Variants in PCDHGC3 observed in about 807,000 individuals in gnomAD.
PCDHGC3 encodes the protein protocadherin gamma subfamily C, 3.
A neutral mutation model predicts 59.2 loss-of-function variants in PCDHGC3; 26 were observed. The observed-to-expected ratio is 0.44, with a 90% confidence interval of 0.32 to 0.61. The LOEUF is 0.61. Ranked by LOEUF, PCDHGC3 falls within the 20% of genes least tolerant of loss-of-function variation. The pLI, the probability that PCDHGC3 is intolerant of heterozygous loss-of-function variation, is 0.05. For missense variants in PCDHGC3, 1,080 were observed against 1,221.8 expected, an observed-to-expected ratio of 0.88 and a Z score of 1.73; for synonymous variants, 487 against 519.7, an observed-to-expected ratio of 0.94 and a Z score of 0.86.
At chr5:141,509,136 C>T (rs1217992935) in intron 3 of PCDHGC3, among the ~76,000 whole-genome samples, 1 of 152,142 alleles carries the variant, frequency 6.6e-6, no homozygotes, top group Non-Finnish European at 1.5e-5. Context: ...AAAACCGAGG[C>T]GCATCCCGGC....
intron 1 of PCDHGC3, chr5:141,479,646 A>G (rs2099501987): frequency 6.6e-6 from 1 of 152,256 alleles, no homozygotes; most frequent in Admixed American, 6.5e-5. Context: ...CAACAACAAC[A>G]ACAACAATCC....
chr5:141,476,446 G>A lies in PCDHGC3; in HGVS notation c.330G>A (p.Leu110=). Residue 110 remains leucine, a synonymous_variant, in exon 1 of 4, where the codon TTG becomes TTA. Transcript: ENST00000308177. This position sits in a 1 kb window ranked among gnomAD's most constrained non-coding sequence, Gnocchi z 7.6. ...TLPSCTVTLE[L]VVENPLELFS... is the part of the protein sequence containing the mutation. Reference sequence around the variant, plus strand: ...CCTCTTGCACTGTAACTCTGGAGTTGGTAGTGGAGAACCCGCTGGAGCTGT... The same window carrying A: ...CCTCTTGCACTGTAACTCTGGAGTTAGTAGTGGAGAACCCGCTGGAGCTGT... 6.2e-7 allele frequency: 1 copy of A among 1,614,144 alleles called. No homozygotes were observed. Among genetic ancestry groups the A allele is most frequent in the South Asian group, 1.1e-5 (1 of 91,072 alleles).
chr5:141,485,274 C>T lies in PCDHGC3; in HGVS notation c.2430+6728C>T. On this transcript the variant is annotated intron_variant, in intron 1 of 3. Transcript: ENST00000308177. The surrounding 1 kb of genome is among the most constrained non-coding windows in gnomAD (Gnocchi z 5.7). Reference sequence around the variant, plus strand: ...TACGTTTGTGGGCAGATCCGCTACCCGGTCCCAGAGGAGTCACAGGAAGGG... The same window carrying T: ...TACGTTTGTGGGCAGATCCGCTACCTGGTCCCAGAGGAGTCACAGGAAGGG... The T allele has an allele frequency of 6.2e-7, 1 of 1,614,106 alleles. No individual in the cohort carries two copies. Among genetic ancestry groups the T allele is most frequent in the South Asian group, 1.1e-5 (1 of 91,086 alleles).
At chr5:141,496,869 A>G (rs2099772006) in intron 2 of PCDHGC3, among the ~76,000 whole-genome samples, 1 of 150,116 alleles carries the variant, frequency 6.7e-6, no homozygotes, top group African/African-American at 2.5e-5. Context: ...GAGACTGAAA[A>G]TTTGCAACAA....
chr5:141,506,162 C>T (rs1448735916), intron 3 of PCDHGC3, among the ~76,000 whole-genome samples: 1 of 152,124 alleles, frequency 6.6e-6, no homozygotes, highest in Non-Finnish European at 1.5e-5. Flanking sequence ...CTTAAGAGCA[C>T]AGCCTAAGCT....
At chr5:141,508,151 C>T (rs1306467936) in intron 3 of PCDHGC3, 1 of 152,548 alleles carries the variant, frequency 6.6e-6, no homozygotes, top group Admixed American at 6.5e-5. Flanking sequence ...GGCTGAGTTT[C>T]CCTGAGTAGA....
Position 141,477,412 on chromosome 5 carries a change from C to T in PCDHGC3, c.1296C>T (p.Ala432=). 6 of 1,614,168 alleles carry T rather than the reference C, an allele frequency of 3.7e-6. No individual in the cohort carries two copies. The highest frequency in any genetic ancestry group is 1.1e-5 in the South Asian group (1 of 91,082). The change falls in exon 1 of 4, where the codon GCC becomes GCT. Residue 432 remains alanine (A), a synonymous_variant. Coordinates refer to ENST00000308177, the MANE Select transcript of PCDHGC3 (RefSeq NM_002588.4). This position sits in a 1 kb window ranked among gnomAD's most constrained non-coding sequence, Gnocchi z 4.9. ...ACCTCAGCATCACCGCCCGAGACGC[C>T]GGAACCCCTTCCCTCTCAGCCCTTA... is the stretch of plus-strand genomic sequence containing the variant. ...EYNLSITARD[A]GTPSLSALTI... is the part of the protein sequence containing the mutation.
rs1488305057 is a variant in PCDHGC3, at chr5:141,477,736, C to A, written c.1620C>A (p.Ser540Arg). ...RREFELTAHI[S>R]DGGTPVLATN... ...AATTTGAATTAACAGCTCATATCAG[C>A]GATGGGGGCACCCCGGTCCTAGCCA... The change falls in exon 1 of 4, where the codon AGC (serine) becomes AGA (arginine). Residue 540 changes from serine (S) to arginine (R), a missense_variant. Physicochemically the swap from Ser to Arg is moderately radical, Grantham distance 110. Transcript: ENST00000308177. This position sits in a 1 kb window ranked among gnomAD's most constrained non-coding sequence, Gnocchi z 4.9. The A allele has an allele frequency of 6.2e-7, 1 of 1,613,790 alleles. No homozygotes were observed. Among genetic ancestry groups the A allele is most frequent in the Non-Finnish European group, 8.5e-7 (1 of 1,180,024 alleles).
chr5:141,501,290 TACACACACAC>T (rs55762287), intron 2 of PCDHGC3, among the ~76,000 whole-genome samples: 44 of 136,248 alleles, frequency 3.2e-4, no homozygotes, highest in Admixed American at 7.8e-4. Context: ...TATTCCCTTA[TACACACACAC>T]ACACACACAC....
intron 2 of PCDHGC3, among the ~76,000 whole-genome samples, chr5:141,497,171 C>T (rs991574648): frequency 6.6e-6 from 1 of 151,148 alleles, no homozygotes; most frequent in African/African-American, 2.5e-5. Context: ...CCACAAATCA[C>T]AGTAAGTTCT....
At chr5:141,505,804 G>A (rs554534524) in intron 3 of PCDHGC3, among the ~76,000 whole-genome samples, 13 of 152,240 alleles carry the variant, frequency 8.5e-5, no homozygotes, top group Admixed American at 3.3e-4. Context: ...GACTTGGATC[G>A]ACTTGCTCAA....
Position 141,486,785 on chromosome 5 carries a change from C to G in PCDHGC3, c.2431-8022C>G, listed in dbSNP as rs763174232. The G allele has an allele frequency of 2.8e-5, 45 of 1,614,102 alleles. No homozygotes were observed. The highest frequency in any genetic ancestry group is 3.6e-5 in the Non-Finnish European group (42 of 1,180,050). On this transcript the variant is annotated intron_variant, in intron 1 of 3. Coordinates refer to ENST00000308177, the MANE Select transcript of PCDHGC3 (RefSeq NM_002588.4). The surrounding 1 kb of genome is among the most constrained non-coding windows in gnomAD (Gnocchi z 5.0). ...GACACTGCAGTTTGAGGTGCAGGCC[C>G]GGGATCGGGGCAACCCACCCCTTAG... is the stretch of plus-strand genomic sequence containing the variant.
Position 141,486,970 on chromosome 5 carries a change from T to G in PCDHGC3, c.2431-7837T>G, listed in dbSNP as rs754309905. 1 of 1,614,050 alleles carries G rather than the reference T, an allele frequency of 6.2e-7. No individual in the cohort carries two copies. Among genetic ancestry groups the G allele is most frequent in the African/African-American group, 1.3e-5 (1 of 74,904 alleles). ...CAAAGGTGACTGCTGTGGACTTGGATTCAGGTTACAATGCTTGGGTTTCCT... is the reference window on the plus strand; with the variant it reads ...CAAAGGTGACTGCTGTGGACTTGGAGTCAGGTTACAATGCTTGGGTTTCCT... On this transcript the variant is annotated intron_variant, in intron 1 of 3. Coordinates refer to ENST00000308177, the MANE Select transcript of PCDHGC3 (RefSeq NM_002588.4). This position sits in a 1 kb window ranked among gnomAD's most constrained non-coding sequence, Gnocchi z 5.0.
chr5:141,506,815 A>G (rs2099856451), intron 3 of PCDHGC3, among the ~76,000 whole-genome samples: 1 of 152,214 alleles, frequency 6.6e-6, no homozygotes, highest in African/African-American at 2.4e-5. Flanking sequence ...GCATTGCCCT[A>G]TATCATGAAC....
chr5:141,480,951 G>A (rs924500955), intron 1 of PCDHGC3, among the ~76,000 whole-genome samples: 4 of 152,038 alleles, frequency 2.6e-5, no homozygotes, highest in Non-Finnish European at 2.9e-5. Flanking sequence ...AGGCTGAGGC[G>A]GAAGCATCAG....
chr5:141,479,838 C>T (rs539142918), intron 1 of PCDHGC3, among the ~76,000 whole-genome samples: 1 of 152,298 alleles, frequency 6.6e-6, no homozygotes, highest in African/African-American at 2.4e-5. Context: ...GGTATCCATG[C>T]AAGGTGACTG....
intron 2 of PCDHGC3, among the ~76,000 whole-genome samples, chr5:141,502,576 T>C (rs1226513508): frequency 6.6e-6 from 1 of 152,168 alleles, no homozygotes; most frequent in African/African-American, 2.4e-5. Flanking sequence ...ATTATAAAAA[T>C]ATATTTTTAT....
At position 141,486,045 on chromosome 5, in the gene PCDHGC3, A is replaced by G. The variant is rs2099623524; in HGVS notation, c.2430+7499A>G. The G allele has an allele frequency of 4.3e-6, 7 of 1,613,428 alleles. No individual in the cohort carries two copies. The highest frequency in any genetic ancestry group is 5.1e-6 in the Non-Finnish European group (6 of 1,179,858). ...GGTCATACCCCTGATCGTGTAAGAA[A>G]CCTCTTTAGCCTGCACCCCACTACT... On this transcript the variant is annotated intron_variant, in intron 1 of 3. Coordinates refer to ENST00000308177, the MANE Select transcript of PCDHGC3 (RefSeq NM_002588.4). This position sits in a 1 kb window ranked among gnomAD's most constrained non-coding sequence, Gnocchi z 5.0.
chr5:141,511,489 A>G lies in PCDHGC3; in HGVS notation c.*316A>G. 2.3e-6 allele frequency: 1 copy of G among 435,688 alleles called. No individual in the cohort carries two copies. Among genetic ancestry groups the G allele is most frequent in the Non-Finnish European group, 4.2e-6 (1 of 239,908 alleles). The allele number at this position is 435,688 out of a possible 1,614,324, so 27.0% of individuals were successfully genotyped here. ...CGTTTAGTTACAGCTGAACTCCTCC[A>G]TCTTCCAAATCAATCAGGCCCATCC... On this transcript the variant is annotated 3_prime_UTR_variant, in exon 4 of 4. Coordinates refer to ENST00000308177, the MANE Select transcript of PCDHGC3 (RefSeq NM_002588.4).
Sources: allele counts gnomAD v4.1 joint callset (sites outside exome capture counted in the v4.1 genomes callset), GRCh38; gene constraint gnomAD v4.1.1; non-coding constraint Gnocchi (gnomAD v3.1); transcripts MANE v1.5; gene names NCBI Gene and HGNC (gene_info 2026-07-23, HGNC 2026-07-21).